The following FSTL4 variants were observed in gnomAD, a reference collection of about 807,000 sequenced individuals.
The protein encoded by FSTL4 is follistatin like 4.
Under a neutral mutation model 78.2 loss-of-function variants are expected in FSTL4, and 28 were observed. The observed-to-expected ratio is 0.36, with a 90% CI of 0.27 to 0.49. FSTL4 has a LOEUF of 0.49. Among genes scored for constraint, FSTL4 ranks in the 20% least tolerant of loss-of-function variants. FSTL4 has a pLI of 0.98. For missense variants in FSTL4, 922 were observed against 1,084.9 expected (o/e 0.85, Z 2.11); for synonymous variants, 422 against 440.5 (o/e 0.96, Z 0.53).
At chr5:133,425,512 C>T (rs984247239) in intron 3 of FSTL4, among the ~76,000 whole-genome samples, 2 of 152,212 alleles carry the variant, frequency 1.3e-5, no homozygotes, top group African/African-American at 4.8e-5. Flanking sequence ...TCAAATTGTT[C>T]AGCAGAAAAC....
At chr5:133,677,033 A>G in the FSTL4 span, among the ~76,000 whole-genome samples, 1 of 152,232 alleles carries the variant, frequency 6.6e-6, no homozygotes, top group Non-Finnish European at 1.5e-5. Context: ...GATGCATGTA[A>G]TAGACGAAAA....
intron 8 of FSTL4, among the ~76,000 whole-genome samples, chr5:133,230,492 G>A (rs1341098717): frequency 2.6e-5 from 4 of 152,206 alleles, no homozygotes; most frequent in Admixed American, 2.6e-4. Flanking sequence ...CTAAATGCAA[G>A]ACACCTGGGT....
intron 3 of FSTL4, among the ~76,000 whole-genome samples, chr5:133,415,495 A>G (rs544358362): frequency 1.5e-4 from 23 of 152,370 alleles, no homozygotes; most frequent in Non-Finnish European, 2.9e-4. Flanking sequence ...CTCTAAACAC[A>G]TAAGAATGAC....
At chr5:133,423,109 G>T (rs1317066625) in intron 3 of FSTL4, among the ~76,000 whole-genome samples, 2 of 152,212 alleles carry the variant, frequency 1.3e-5, no homozygotes, top group African/African-American at 4.8e-5. Flanking sequence ...GAAAGAAAAA[G>T]AAAAGATCCC....
intron 3 of FSTL4, among the ~76,000 whole-genome samples, chr5:133,514,301 G>C (rs558590584): frequency 6.6e-6 from 1 of 151,818 alleles, no homozygotes; most frequent in Non-Finnish European, 1.5e-5. Context: ...TGAATCAAAG[G>C]CTCGAGAGAA....
the FSTL4 span, among the ~76,000 whole-genome samples, chr5:133,701,509 A>ACACACACACCC: frequency 7.8e-4 from 103 of 132,696 alleles, 1 homozygote; most frequent in South Asian, 6.2e-3. Context: ...ACACACACAC[A>ACACACACACCC]CCCCACAGGC....
intron 4 of FSTL4, among the ~76,000 whole-genome samples, chr5:133,389,305 T>C (rs912813316): frequency 1.3e-5 from 2 of 152,222 alleles, no homozygotes; most frequent in African/African-American, 4.8e-5. Context: ...CCAGTGAGAT[T>C]GACCAGACTG....
chr5:133,536,898 A>C (rs1008397193), intron 3 of FSTL4, among the ~76,000 whole-genome samples: 15 of 152,204 alleles, frequency 9.9e-5, no homozygotes, highest in Non-Finnish European at 1.5e-5. Context: ...ATTGTTTATA[A>C]TTTTAAATTA....
At chr5:133,380,692 A>G (rs1465355493) in intron 4 of FSTL4, among the ~76,000 whole-genome samples, 1 of 151,828 alleles carries the variant, frequency 6.6e-6, no homozygotes, top group Admixed American at 6.6e-5. Flanking sequence ...TATCAACCTT[A>G]TATCAAAACC....
At chr5:133,531,888 C>T (rs1759260680) in intron 3 of FSTL4, among the ~76,000 whole-genome samples, 1 of 152,186 alleles carries the variant, frequency 6.6e-6, no homozygotes, top group Admixed American at 6.5e-5. Flanking sequence ...GGAAGGAAAA[C>T]CAAGTACACT....
At chr5:133,765,756 T>G in the FSTL4 span, among the ~76,000 whole-genome samples, 4 of 152,100 alleles carry the variant, frequency 2.6e-5, no homozygotes, top group African/African-American at 9.7e-5. Flanking sequence ...TTGGAGCCTA[T>G]TAGGAGGTTA....
At chr5:133,615,843 C>T (rs572379038), upstream of FSTL4, among the ~76,000 whole-genome samples, 4 of 152,004 alleles carry the variant, frequency 2.6e-5, no homozygotes, top group South Asian at 4.2e-4. Context: ...GGAAATTTTT[C>T]GAGACAAAGA....
the FSTL4 span, among the ~76,000 whole-genome samples, chr5:133,836,303 T>C: frequency 6.6e-6 from 1 of 152,208 alleles, no homozygotes. Flanking sequence ...CACTCTTAGC[T>C]AGTTAGTTAT....
intron 3 of FSTL4, among the ~76,000 whole-genome samples, chr5:133,477,662 C>T (rs1757951988): frequency 6.6e-6 from 1 of 152,174 alleles, no homozygotes; most frequent in Non-Finnish European, 1.5e-5. Context: ...GGGAAAATGA[C>T]CCTTTAATGT....
intron 2 of FSTL4, among the ~76,000 whole-genome samples, chr5:133,590,664 A>G (rs928261429): frequency 6.6e-6 from 1 of 152,178 alleles, no homozygotes; most frequent in Admixed American, 6.5e-5. Flanking sequence ...CAGGGCCACA[A>G]CTGAGCACCA....
chr5:133,685,294 T>C, the FSTL4 span, among the ~76,000 whole-genome samples: 7 of 152,192 alleles, frequency 4.6e-5, no homozygotes, highest in Non-Finnish European at 1.0e-4. Flanking sequence ...CCCCATTCGA[T>C]TCAAGGTTTG....
chr5:133,824,792 C>T, the FSTL4 span, among the ~76,000 whole-genome samples: 3 of 152,052 alleles, frequency 2.0e-5, no homozygotes, highest in East Asian at 3.9e-4. Context: ...AGGCATGCAC[C>T]GGGAAACCAC....
intron 3 of FSTL4, among the ~76,000 whole-genome samples, chr5:133,498,663 A>T (rs1226067006): frequency 6.6e-6 from 1 of 151,586 alleles, no homozygotes; most frequent in Non-Finnish European, 1.5e-5. Flanking sequence ...GGTTGCAGTG[A>T]GCCAGGATTG....
the FSTL4 span, among the ~76,000 whole-genome samples, chr5:133,838,923 C>T: frequency 2.6e-5 from 4 of 152,186 alleles, no homozygotes; most frequent in Non-Finnish European, 2.9e-5. Flanking sequence ...ACAGCATGGG[C>T]GAGCTAGTGA....
Sources: gnomAD v4.1 joint callset for allele counts (sites outside exome capture counted in the v4.1 genomes callset) on GRCh38, gnomAD v4.1.1 for gene constraint, MANE v1.5 for transcripts, NCBI Gene and HGNC (gene_info 2026-07-23, HGNC 2026-07-21) for gene names.